The following RASGRF2 variants were observed in gnomAD, a reference collection of about 807,000 sequenced individuals.
RASGRF2 encodes Ras protein specific guanine nucleotide releasing factor 2, also known as ras-specific guanine nucleotide-releasing factor 2.
In RASGRF2, 76 loss-of-function variants were observed where a neutral mutation model predicts 151.0. The ratio of observed to expected loss-of-function variants is 0.50; its 90% CI spans 0.42 to 0.61. RASGRF2 has a LOEUF of 0.61. Among genes scored for constraint, RASGRF2 ranks in the 20% least tolerant of loss-of-function variants. The pLI, the probability that RASGRF2 is intolerant of heterozygous loss-of-function variation, is 0.00. For synonymous variants in RASGRF2, 504 were observed against 566.5 expected (o/e 0.89, Z 1.57); for missense variants, 1,148 against 1,564.6 (o/e 0.73, Z 4.49).
intron 9 of RASGRF2, among the ~76,000 whole-genome samples, chr5:81,089,076 C>T (rs6870928): frequency 0.057 from 8,689 of 152,148 alleles, 810 homozygotes; most frequent in African/African-American, 0.19. Flanking sequence ...AAATTCAGAC[C>T]TCAATCTGAA....
chr5:81,101,696 G>C lies in RASGRF2; in HGVS notation c.1755+6704G>C, dbSNP rs144027029. Among the ~76,000 whole-genome samples, 33 of 151,960 alleles carry C rather than the reference G, an allele frequency of 2.2e-4. 1 individual carries two copies. The East Asian group carries it at 6.4e-3, about 29-fold the overall frequency. On this transcript the variant is annotated intron_variant, in intron 12 of 26. Transcript: ENST00000265080. Reference sequence around the variant, plus strand: ...CATCCATCTCATGGATAGATTAAAGGTTGTGTACCAATTATCAAAGACATT... The same window carrying C: ...CATCCATCTCATGGATAGATTAAAGCTTGTGTACCAATTATCAAAGACATT...
At chr5:81,038,489 C>T (rs114118685) in intron 1 of RASGRF2, among the ~76,000 whole-genome samples, 2,255 of 148,884 alleles carry the variant, frequency 0.015, 60 homozygotes, top group African/African-American at 0.054. Flanking sequence ...TCTGTCTCAT[C>T]GTCTGGGTAT....
chr5:81,193,590 A>G (rs909475194), intron 18 of RASGRF2, among the ~76,000 whole-genome samples: 3 of 151,992 alleles, frequency 2.0e-5, no homozygotes, highest in Non-Finnish European at 4.4e-5. Flanking sequence ...ATCTCGGCTC[A>G]CTGCAACCTC....
In RASGRF2 at chr5:81,180,279, C is replaced by T; in HGVS notation, c.2791C>T (p.Gln931Ter). The stretch of plus-strand genomic sequence containing the variant: ...CCGTCACTGGGTCTCAAAGCACGCA[C>T]AGGTAAGTCAGTGCCCTCATTAATT... ...VLRHWVSKHA[Q>*]DFELNNELKM... The change falls in exon 18 of 27, where the codon CAG becomes TAG. Residue 931 changes from glutamine (Q) to a stop codon, truncating the protein, a stop_gained and splice_region_variant. Transcript: ENST00000265080. LOFTEE classifies it high-confidence loss of function. 6.3e-7 allele frequency: 1 copy of T among 1,579,936 alleles called. No homozygotes were observed. Among genetic ancestry groups the T allele is most frequent in the Non-Finnish European group, 8.7e-7 (1 of 1,149,138 alleles).
chr5:81,226,017 G>T lies in RASGRF2; in HGVS notation c.*247G>T, dbSNP rs1755992091. The T allele has an allele frequency of 5.3e-6, 2 of 378,356 alleles. No homozygotes were observed. Among genetic ancestry groups the T allele is most frequent in the African/African-American group, 2.1e-5 (1 of 47,370 alleles). The allele number at this position is 378,356 out of a possible 1,614,324, so 23.4% of individuals were successfully genotyped here. On this transcript the variant is annotated 3_prime_UTR_variant, in exon 27 of 27. Transcript: ENST00000265080. ...AAAGCTGGTGGCACGTTTTACATAA[G>T]GGAATGTCAGATGGGAGATGCTAGT...
chr5:81,167,544 A>G (rs912986440), intron 17 of RASGRF2, among the ~76,000 whole-genome samples: 4 of 152,190 alleles, frequency 2.6e-5, no homozygotes, highest in Non-Finnish European at 5.9e-5. Flanking sequence ...CACTGCACAC[A>G]TCAGTGTGCA....
chr5:81,124,362 A>G (rs182945354), intron 16 of RASGRF2, among the ~76,000 whole-genome samples: 56 of 145,482 alleles, frequency 3.8e-4, no homozygotes, highest in Middle Eastern at 3.5e-3. Context: ...GCATTTTGTG[A>G]GGAGTAACGT....
At chr5:81,159,856 T>G (rs4704703) in intron 17 of RASGRF2, among the ~76,000 whole-genome samples, 19 of 152,150 alleles carry the variant, frequency 1.2e-4, no homozygotes, top group African/African-American at 4.3e-4. Context: ...CTAGTGTCCA[T>G]GCTAACGGCA....
intron 12 of RASGRF2, among the ~76,000 whole-genome samples, chr5:81,095,352 G>A (rs1247723721): frequency 6.6e-6 from 1 of 152,056 alleles, no homozygotes; most frequent in Admixed American, 6.5e-5. Context: ...GCAGAATAAT[G>A]GTGAAAGATA....
At position 81,227,816 on chromosome 5, in the gene RASGRF2, T is replaced by C. The variant is rs1180034417; in HGVS notation, c.*2046T>C. On this transcript the variant is annotated 3_prime_UTR_variant, in exon 27 of 27. Coordinates refer to ENST00000265080, the MANE Select transcript of RASGRF2 (RefSeq NM_006909.3). ...GCATGCATTCTACTCTGCCTTGGAG[T>C]TGCCAGAGTCCTTCAGAGGGAAAGG... The C allele has an allele frequency of 6.6e-6, 1 of 151,974 alleles. No homozygotes were observed. The highest frequency in any genetic ancestry group is 1.5e-5 in the Non-Finnish European group (1 of 68,014). 9.4% of individuals were successfully genotyped at this position (151,974 alleles called of 1,614,324 possible).
chr5:80,991,178 C>T (rs1346697078), intron 1 of RASGRF2, among the ~76,000 whole-genome samples: 3 of 152,106 alleles, frequency 2.0e-5, no homozygotes, highest in African/African-American at 7.2e-5. Flanking sequence ...TGTGGTGACT[C>T]ATGTCTGTAA....
chr5:80,960,670 C>A lies in RASGRF2; in HGVS notation c.-69C>A. On this transcript the variant is annotated 5_prime_UTR_variant, in exon 1 of 27. Transcript: ENST00000265080. The surrounding 1 kb of genome is among the most constrained non-coding windows in gnomAD (Gnocchi z 5.5). ...CTGAGCGGTCGCGCCCTCGAGGGAGCCAGCTGGGCCATGGCCGCGAGGCAG... is the reference window on the plus strand; with the variant it reads ...CTGAGCGGTCGCGCCCTCGAGGGAGACAGCTGGGCCATGGCCGCGAGGCAG... The A allele has an allele frequency of 7.7e-7, 1 of 1,294,872 alleles. No individual in the cohort carries two copies. Among genetic ancestry groups the A allele is most frequent in the Non-Finnish European group, 9.9e-7 (1 of 1,005,744 alleles). The allele number at this position is 1,294,872 out of a possible 1,614,324, so 80.2% of individuals were successfully genotyped here.
intron 2 of RASGRF2, among the ~76,000 whole-genome samples, chr5:81,048,294 A>ATTC (rs1257095396): frequency 6.6e-6 from 1 of 152,170 alleles, no homozygotes; most frequent in African/African-American, 2.4e-5. Context: ...TATTATTATT[A>ATTC]TTTGCTAAGA....
chr5:81,034,178 G>A (rs1354400489), intron 1 of RASGRF2, among the ~76,000 whole-genome samples: 4 of 152,120 alleles, frequency 2.6e-5, no homozygotes, highest in African/African-American at 9.7e-5. Flanking sequence ...CATTTATGCA[G>A]CCAAAAAACA....
intron 4 of RASGRF2, among the ~76,000 whole-genome samples, chr5:81,070,956 G>T (rs72635625): frequency 0.16 from 24,117 of 151,942 alleles, 2,329 homozygotes; most frequent in East Asian, 0.42. Context: ...AAGATTTTTT[G>T]GGGGGCATGT....
intron 19 of RASGRF2, among the ~76,000 whole-genome samples, chr5:81,203,321 T>G (rs1358206692): frequency 6.6e-6 from 1 of 152,186 alleles, no homozygotes; most frequent in Non-Finnish European, 1.5e-5. Context: ...GGAAAAACTG[T>G]CAGGATCAAC....
At chr5:81,225,574 T>G in intron 26 of RASGRF2, 104 bp from the exon 27 acceptor site, 1 of 1,473,214 alleles carries the variant, frequency 6.8e-7, no homozygotes, top group Non-Finnish European at 8.9e-7. Flanking sequence ...AATAAGATTT[T>G]TAGTTGTTTA....
At chr5:81,066,428 C>T (rs967651103) in intron 2 of RASGRF2, among the ~76,000 whole-genome samples, 2 of 152,100 alleles carry the variant, frequency 1.3e-5, no homozygotes, top group African/African-American at 4.8e-5. Context: ...GCAACACAAA[C>T]CAAGTAAGCT....
intron 1 of RASGRF2, among the ~76,000 whole-genome samples, chr5:81,003,262 G>A (rs12153146): frequency 0.15 from 19,762 of 133,828 alleles, 1,400 homozygotes; most frequent in African/African-American, 0.2. Flanking sequence ...TCACTCTGTC[G>A]CCCAGGCTGG....
Sources: allele counts gnomAD v4.1 joint callset (sites outside exome capture counted in the v4.1 genomes callset), GRCh38; gene constraint gnomAD v4.1.1; non-coding constraint Gnocchi (gnomAD v3.1); transcripts MANE v1.5; gene names NCBI Gene and HGNC (gene_info 2026-07-23, HGNC 2026-07-21).